PCDHGA1: variants seen among roughly 807,000 people sequenced by gnomAD.
PCDHGA1 encodes the protein protocadherin gamma-A1.
PCDHGA1 carries 32 observed loss-of-function variants against 58.0 expected under a neutral mutation model. The observed-to-expected ratio is 0.55, with a 90% confidence interval of 0.42 to 0.74. The LOEUF (loss-of-function observed/expected upper bound fraction) is 0.74, where lower values mean the gene tolerates loss of function less well. PCDHGA1 is among the 30% of genes least tolerant of loss of function. The pLI is 0.00. For synonymous variants in PCDHGA1, 498 were observed against 501.1 expected, an observed-to-expected ratio of 0.99 and a Z score of 0.08; for missense variants, 1,205 against 1,182.3, an observed-to-expected ratio of 1.02 and a Z score of -0.28.
chr5:141,505,558 C>A (rs945428797), intron 3 of PCDHGA1, 77 bp downstream of exon 3: 1 of 1,605,016 alleles, frequency 6.2e-7, no homozygotes, highest in African/African-American at 1.3e-5. Context: ...ACCATGCCCA[C>A]GGACTGGATG....
chr5:141,437,346 T>C (rs143931647), intron 1 of PCDHGA1, among the ~76,000 whole-genome samples: 2 of 152,380 alleles, frequency 1.3e-5, no homozygotes, highest in East Asian at 3.9e-4. Flanking sequence ...CACTGTTTTA[T>C]AGTACCTAAA....
rs777566456 is a variant in PCDHGA1, at chr5:141,405,216, A to G, written c.2421+72111A>G. On this transcript the variant is annotated intron_variant, in intron 1 of 3. Coordinates refer to ENST00000517417, the MANE Select transcript of PCDHGA1 (RefSeq NM_018912.3). ...CGAGCTTTCCTACAGACCTATTCTCAGGAGTTCTCCCTCACCGCTGACTCA... is the reference window on the plus strand; with the variant it reads ...CGAGCTTTCCTACAGACCTATTCTCGGGAGTTCTCCCTCACCGCTGACTCA... 27 of 1,613,806 alleles carry G rather than the reference A, an allele frequency of 1.7e-5. No individual in the cohort carries two copies. In the Admixed American group the frequency reaches 2.7e-4, roughly 16 times the overall value.
chr5:141,370,467 T>C lies in PCDHGA1; in HGVS notation c.2421+37362T>C, dbSNP rs563836197. 3.3e-5 allele frequency: 53 copies of C among 1,613,232 alleles called. 2 individuals are homozygous for C. In the South Asian group the frequency reaches 4.4e-4, roughly 13 times the overall value. On this transcript the variant is annotated intron_variant, in intron 1 of 3. Transcript: ENST00000517417. ...GCTATTTCTCTTCCTGCTCTCTTTG[T>C]TAGACCAGGCTCTCTCCGAACCGAT...
chr5:141,396,922 C>T lies in PCDHGA1; in HGVS notation c.2421+63817C>T, dbSNP rs576253766. Among the ~76,000 whole-genome samples, 68 of 152,290 alleles carry T rather than the reference C, an allele frequency of 4.5e-4. 1 individual carries two copies. The highest frequency in any genetic ancestry group is 1.5e-3 in the African/African-American group (61 of 41,560). ...TTGGCACTTTGCAATTTTAAAAACT[C>T]GGATGAAAGTTGCCCTGGTAGGAAA... On this transcript the variant is annotated intron_variant, in intron 1 of 3. Transcript: ENST00000517417.
chr5:141,366,073 C>A (rs766163319), intron 1 of PCDHGA1: 1 of 1,614,234 alleles, frequency 6.2e-7, no homozygotes, highest in South Asian at 1.1e-5. Flanking sequence ...CGCCTCGCTC[C>A]GCAGAACCTG....
chr5:141,340,091 A>G (rs577489425), intron 1 of PCDHGA1: 12 of 1,614,120 alleles, frequency 7.4e-6, no homozygotes, highest in Middle Eastern at 1.7e-4. Flanking sequence ...TGTACATGAT[A>G]GAGACTCTGG....
At position 141,410,026 on chromosome 5, in the gene PCDHGA1, G is replaced by A. The variant is rs571122351; in HGVS notation, c.2421+76921G>A. 37 of 1,613,302 alleles carry A rather than the reference G, an allele frequency of 2.3e-5. 2 individuals carry two copies. The East Asian group carries it at 8.0e-4, about 35-fold the overall frequency. On this transcript the variant is annotated intron_variant, in intron 1 of 3. Coordinates refer to ENST00000517417, the MANE Select transcript of PCDHGA1 (RefSeq NM_018912.3). ...ACAACGCCTGGCTGTCCTACCACGTGCTGCAGGCCAGTGAGCCCGGACTCT... is the reference window on the plus strand; with the variant it reads ...ACAACGCCTGGCTGTCCTACCACGTACTGCAGGCCAGTGAGCCCGGACTCT...
chr5:141,340,197 C>T (rs753112747), intron 1 of PCDHGA1: 12 of 1,614,036 alleles, frequency 7.4e-6, no homozygotes, highest in Non-Finnish European at 1.7e-6. Flanking sequence ...ACAACCAGAG[C>T]CCTTGACAGG....
intron 1 of PCDHGA1, chr5:141,350,935 C>G: frequency 6.2e-7 from 1 of 1,614,104 alleles, no homozygotes; most frequent in East Asian, 2.2e-5. Context: ...CCACCCATAT[C>G]TGGATCCGAG....
intron 1 of PCDHGA1, chr5:141,360,421 T>A: frequency 6.2e-7 from 1 of 1,613,968 alleles, no homozygotes; most frequent in Non-Finnish European, 8.5e-7. Flanking sequence ...AGAACAGATA[T>A]GCGGGAAGCA....
Position 141,364,897 on chromosome 5 carries a change from A to C in PCDHGA1, c.2421+31792A>C, listed in dbSNP as rs780576369. 45 of 1,613,852 alleles carry C rather than the reference A, an allele frequency of 2.8e-5. No homozygotes were observed. In the Admixed American group the frequency reaches 3.2e-4, roughly 11 times the overall value. ...ATGTGGTAAGCGGAACTGATGGACA[A>C]AAGTATCCGGAGCTGGTGTTGGAAC... On this transcript the variant is annotated intron_variant, in intron 1 of 3. Transcript: ENST00000517417.
At position 141,383,079 on chromosome 5, in the gene PCDHGA1, G is replaced by A. The variant is rs770794066; in HGVS notation, c.2421+49974G>A. 4 of 1,613,906 alleles carry A rather than the reference G, an allele frequency of 2.5e-6. No individual in the cohort carries two copies. In the South Asian group the frequency reaches 4.4e-5, roughly 18 times the overall value. ...TGGGGCTGGAGCCCCGGGAGCTGGC[G>A]GAGCGCGGAGTCCGCATCATCTCCA... is the stretch of plus-strand genomic sequence containing the variant. On this transcript the variant is annotated intron_variant, in intron 1 of 3. Transcript: ENST00000517417.
rs774563598 is a variant in PCDHGA1 at position 141,431,225 on chromosome 5, C to T, written c.2422-63582C>T. 16 of 1,614,118 alleles carry T rather than the reference C, an allele frequency of 9.9e-6. No individual in the cohort carries two copies. The highest frequency in any genetic ancestry group is 1.2e-5 in the Non-Finnish European group (14 of 1,180,036). On this transcript the variant is annotated intron_variant, in intron 1 of 3. Transcript: ENST00000517417. The surrounding 1 kb of genome is among the most constrained non-coding windows in gnomAD (Gnocchi z 4.8). ...CACTGAGATGCGGTTCCCTCTACCC[C>T]ACGCCTGGGATCCGGATATCGGGAA...
At chr5:141,389,990 C>G (rs2091998485) in intron 1 of PCDHGA1, 2 of 1,614,044 alleles carry the variant, frequency 1.2e-6, no homozygotes, top group Non-Finnish European at 1.7e-6. Flanking sequence ...TGCTCTTCCT[C>G]GTGGCCATGA....
chr5:141,423,141 G>A, intron 1 of PCDHGA1: 1 of 1,613,580 alleles, frequency 6.2e-7, no homozygotes, highest in Non-Finnish European at 8.5e-7. Context: ...ACAGAGACGC[G>A]CTCAAGCAGA....
chr5:141,351,441 C>T (rs768328873), intron 1 of PCDHGA1: 17 of 1,612,464 alleles, frequency 1.1e-5, no homozygotes, highest in Non-Finnish European at 1.4e-5. Context: ...GAATCCACCT[C>T]GAAGAATTAT....
intron 1 of PCDHGA1, chr5:141,357,522 C>T (rs773992774): frequency 2.5e-6 from 4 of 1,614,230 alleles, no homozygotes; most frequent in South Asian, 1.1e-5. Flanking sequence ...CCCAACCCAG[C>T]TATGCAGACA....
chr5:141,374,291 G>C, intron 1 of PCDHGA1: 1 of 1,613,976 alleles, frequency 6.2e-7, no homozygotes. Context: ...CGTCTCCAGA[G>C]GTAGGATGCA....
chr5:141,331,312 C>G lies in PCDHGA1; in HGVS notation c.628C>G (p.Leu210Val). 1.2e-6 allele frequency: 2 copies of G among 1,614,152 alleles called. No homozygotes were observed. The highest frequency in any genetic ancestry group is 1.7e-4 in the Middle Eastern group (1 of 6,058). Residue 210 changes from leucine to valine, a missense_variant, in exon 1 of 4, where the codon CTC becomes GTC. Leu to Val is a conservative substitution (Grantham distance 32). Coordinates refer to ENST00000517417, the MANE Select transcript of PCDHGA1 (RefSeq NM_018912.3). ...LDREEEAVHHLILTASDGGEP... is the reference protein window; with the variant it reads ...LDREEEAVHHVILTASDGGEP... Reference sequence around the variant, plus strand: ...CAGAGAAGAAGAAGCTGTCCACCACCTCATCCTCACAGCTTCTGATGGGGG... The same window carrying G: ...CAGAGAAGAAGAAGCTGTCCACCACGTCATCCTCACAGCTTCTGATGGGGG...
Sources: gnomAD v4.1 joint callset for allele counts (sites outside exome capture counted in the v4.1 genomes callset) on GRCh38, gnomAD v4.1.1 for gene constraint, Gnocchi (gnomAD v3.1) non-coding constraint, MANE v1.5 for transcripts, NCBI Gene and HGNC (gene_info 2026-07-23, HGNC 2026-07-21) for gene names.